Variants in LRRC1 observed in about 807,000 individuals in gnomAD.
LRRC1 encodes the protein leucine-rich repeat-containing protein 1.
LRRC1 carries 28 observed loss-of-function variants against 69.9 expected under a neutral mutation model. The ratio of observed to expected loss-of-function variants is 0.40; its 90% CI spans 0.30 to 0.55. The LOEUF (loss-of-function observed/expected upper bound fraction) is 0.55. Among genes scored for constraint, LRRC1 ranks in the 20% least tolerant of loss-of-function variants. LRRC1 has a pLI of 0.47. For synonymous variants in LRRC1, 236 were observed against 240.2 expected, an observed-to-expected ratio of 0.98 and a Z score of 0.16; for missense variants, 498 against 609.0, an observed-to-expected ratio of 0.82 and a Z score of 1.92.
At chr6:53,917,306 G>C (rs148009632) in intron 11 of LRRC1, among the ~76,000 whole-genome samples, 1 of 152,124 alleles carries the variant, frequency 6.6e-6, no homozygotes, top group Non-Finnish European at 1.5e-5. Flanking sequence ...ACTTCTGTCC[G>C]CAAGACAGTG....
At chr6:53,846,948 G>T (rs1040403453) in intron 2 of LRRC1, among the ~76,000 whole-genome samples, 1 of 152,194 alleles carries the variant, frequency 6.6e-6, no homozygotes, top group Non-Finnish European at 1.5e-5. Context: ...TGCCTCAAGG[G>T]TTAGTAATTT....
At chr6:53,848,674 T>C (rs1373922608) in intron 2 of LRRC1, among the ~76,000 whole-genome samples, 1 of 152,238 alleles carries the variant, frequency 6.6e-6, no homozygotes, top group African/African-American at 2.4e-5. Context: ...GCCGTTCCTC[T>C]TTATTCTGTT....
intron 2 of LRRC1, among the ~76,000 whole-genome samples, chr6:53,860,929 G>T (rs1303721218): frequency 6.6e-6 from 1 of 152,134 alleles, no homozygotes; most frequent in Admixed American, 6.5e-5. Flanking sequence ...ATTAACGCAG[G>T]AACAGAAACC....
At chr6:53,901,734 GATCTCCTGACCGTGAGGGCAGGTGGAA>G (rs1768063610) in intron 8 of LRRC1, among the ~76,000 whole-genome samples, 1 of 152,180 alleles carries the variant, frequency 6.6e-6, no homozygotes, top group Non-Finnish European at 1.5e-5. Flanking sequence ...AATGCTAGTG[GATCTCCTGACCGTGAGGGCAGGTGGAA>G]ACCCTCCAGT....
Position 53,919,688 on chromosome 6 carries a change from A to T in LRRC1, c.1279+18A>T. 6.2e-7 allele frequency: 1 copy of T among 1,607,482 alleles called. No individual in the cohort carries two copies. On this transcript the variant is annotated intron_variant, in intron 12 of 13. Transcript: ENST00000370888. ...TTGTCAAGGTGAATTTAATTTAAGG[A>T]CAGTATTCACAGGGCCACGAGATTG...
At chr6:53,879,313 A>G (rs1767184100) in intron 3 of LRRC1, among the ~76,000 whole-genome samples, 2 of 152,218 alleles carry the variant, frequency 1.3e-5, no homozygotes, top group Non-Finnish European at 2.9e-5. Context: ...AGTGAAGTGT[A>G]CAAAACAGGA....
At chr6:53,883,120 A>G (rs1321294763) in intron 4 of LRRC1, 144 bp downstream of exon 4, 2 of 590,908 alleles carry the variant, frequency 3.4e-6, no homozygotes, top group East Asian at 3.3e-5. Context: ...AAGAAAGATT[A>G]TAGCCAGCCT....
At chr6:53,824,367 C>T (rs1241415655) in intron 1 of LRRC1, among the ~76,000 whole-genome samples, 1 of 151,834 alleles carries the variant, frequency 6.6e-6, no homozygotes, top group African/African-American at 2.4e-5. Flanking sequence ...TGTTTACACT[C>T]CTTGTAGATG....
chr6:53,813,536 G>GTTTTTTTTTTTT (rs373976626), intron 1 of LRRC1, among the ~76,000 whole-genome samples: 1 of 123,684 alleles, frequency 8.1e-6, no homozygotes, highest in African/African-American at 2.9e-5. Flanking sequence ...TGGCTCAGTG[G>GTTTTTTTTTTTT]TTTTTTTTTT....
Position 53,878,938 on chromosome 6 carries a change from G to A in LRRC1, c.278-55G>A, listed in dbSNP as rs77648046. On this transcript the variant is annotated intron_variant, in intron 2 of 13. Transcript: ENST00000370888. The stretch of plus-strand genomic sequence containing the variant: ...TGTGAGTGTGATCCATCTTGAGAGT[G>A]ATGAAAACTGTTAATAATGGTGGCA... 2.4e-3 allele frequency: 2,458 copies of A among 1,036,560 alleles called. 42 individuals carry two copies. The East Asian group carries it at 0.032, about 14-fold the overall frequency. 64.2% of individuals were successfully genotyped at this position (1,036,560 alleles called of 1,614,324 possible). A position where few individuals can be genotyped will look rare whatever the true frequency, so the allele number is the denominator to read the frequency against.
At chr6:53,860,400 T>C (rs1050727927) in intron 2 of LRRC1, among the ~76,000 whole-genome samples, 2 of 152,258 alleles carry the variant, frequency 1.3e-5, no homozygotes, top group African/African-American at 2.4e-5. Context: ...AGAAATATTT[T>C]ACCTTTTCAT....
intron 2 of LRRC1, among the ~76,000 whole-genome samples, chr6:53,870,456 A>C (rs1766844676): frequency 6.6e-6 from 1 of 151,784 alleles, no homozygotes; most frequent in African/African-American, 2.4e-5. Context: ...CCTCTTTTCA[A>C]ATTTTTCTTT....
intron 13 of LRRC1, among the ~76,000 whole-genome samples, chr6:53,922,366 T>C (rs984195774): frequency 1.3e-5 from 2 of 152,230 alleles, no homozygotes; most frequent in African/African-American, 2.4e-5. Flanking sequence ...TTTTATTTTA[T>C]AGTAATTTCA....
intron 2 of LRRC1, among the ~76,000 whole-genome samples, chr6:53,847,724 C>G (rs1032604302): frequency 5.9e-5 from 9 of 152,284 alleles, no homozygotes; most frequent in Admixed American, 5.9e-4. Flanking sequence ...AATGTTTGGT[C>G]TATAGCTATG....
chr6:53,872,688 G>A (rs1766928636), intron 2 of LRRC1, among the ~76,000 whole-genome samples: 1 of 150,726 alleles, frequency 6.6e-6, no homozygotes, highest in African/African-American at 2.4e-5. Flanking sequence ...TATTTTGACA[G>A]CAATTGCATT....
chr6:53,915,358 A>T (rs1768529749), intron 11 of LRRC1, among the ~76,000 whole-genome samples: 1 of 152,198 alleles, frequency 6.6e-6, no homozygotes, highest in Admixed American at 6.5e-5. Context: ...TTTAGAGTTA[A>T]TGCTTTCAGG....
chr6:53,905,063 G>A (rs1231746965), intron 10 of LRRC1: 1 of 152,336 alleles, frequency 6.6e-6, no homozygotes, highest in Non-Finnish European at 1.5e-5. Context: ...GAGAGTAGCT[G>A]TATGGACTGA....
chr6:53,800,872 T>C (rs1254502442), intron 1 of LRRC1, among the ~76,000 whole-genome samples: 1 of 152,136 alleles, frequency 6.6e-6, no homozygotes, highest in Non-Finnish European at 1.5e-5. Flanking sequence ...ATTCGTGACC[T>C]CAAGTGATCT....
intron 2 of LRRC1, among the ~76,000 whole-genome samples, chr6:53,850,712 G>A (rs1003040101): frequency 7.2e-5 from 11 of 152,348 alleles, no homozygotes; most frequent in Admixed American, 3.9e-4. Flanking sequence ...GGCTTAACAC[G>A]GTGAGGAATT....
Sources: gnomAD v4.1 joint callset for allele counts (sites outside exome capture counted in the v4.1 genomes callset) on GRCh38, gnomAD v4.1.1 for gene constraint, MANE v1.5 for transcripts, NCBI Gene and HGNC (gene_info 2026-07-23, HGNC 2026-07-21) for gene names.